Variants in RNGTT observed in about 807,000 individuals in gnomAD.
RNGTT encodes mRNA-capping enzyme.
RNGTT carries 33 observed loss-of-function variants against 79.3 expected under a neutral mutation model. The ratio of observed to expected loss-of-function variants is 0.42; its 90% CI spans 0.32 to 0.56. RNGTT has a LOEUF of 0.56. Among genes scored for constraint, RNGTT ranks in the 20% least tolerant of loss-of-function variants. RNGTT has a pLI of 0.17. For missense variants in RNGTT, 497 were observed against 739.1 expected, an observed-to-expected ratio of 0.67 and a Z score of 3.80; for synonymous variants, 222 against 235.9, an observed-to-expected ratio of 0.94 and a Z score of 0.54.
At chr6:88,748,458 C>T (rs2127829030) in intron 13 of RNGTT, among the ~76,000 whole-genome samples, 1 of 152,116 alleles carries the variant, frequency 6.6e-6, no homozygotes, top group South Asian at 2.1e-4. Context: ...CAACTATTTG[C>T]TCAAATCTTA....
Position 88,759,965 on chromosome 6 carries a change from G to A in RNGTT, c.1439+9809C>T, listed in dbSNP as rs193077296. ...TTTTTATAACATAAAAGGTAACTTAGAGAAATTGCAATTAATGAAAATATA... is the reference window on the plus strand; with the variant it reads ...TTTTTATAACATAAAAGGTAACTTAAAGAAATTGCAATTAATGAAAATATA... On this transcript the variant is annotated intron_variant, in intron 13 of 15. Transcript: ENST00000369485. 1.5e-4 allele frequency among the ~76,000 whole-genome samples: 23 copies of A among 152,180 alleles called. No individual in the cohort carries two copies. The Middle Eastern group carries it at 0.01, about 68-fold the overall frequency.
At chr6:88,789,182 G>T (rs1779322719) in intron 12 of RNGTT, among the ~76,000 whole-genome samples, 1 of 152,198 alleles carries the variant, frequency 6.6e-6, no homozygotes, top group Non-Finnish European at 1.5e-5. Flanking sequence ...CACTTTAGGA[G>T]GCTGAGGCGG....
chr6:88,739,346 T>C (rs1777391622), intron 13 of RNGTT, among the ~76,000 whole-genome samples: 1 of 152,096 alleles, frequency 6.6e-6, no homozygotes, highest in Admixed American at 6.6e-5. Flanking sequence ...GTAAGTGTTT[T>C]TTTGAGGCAA....
chr6:88,669,709 A>G (rs1415156964), intron 14 of RNGTT, among the ~76,000 whole-genome samples: 2 of 152,212 alleles, frequency 1.3e-5, no homozygotes, highest in Non-Finnish European at 2.9e-5. Flanking sequence ...AAGCTACCTG[A>G]TCAATGGGCA....
At chr6:88,746,028 G>A (rs1253520231) in intron 13 of RNGTT, among the ~76,000 whole-genome samples, 1 of 152,108 alleles carries the variant, frequency 6.6e-6, no homozygotes, top group African/African-American at 2.4e-5. Flanking sequence ...CACTACAAGG[G>A]CATAGCCTGG....
intron 14 of RNGTT, among the ~76,000 whole-genome samples, chr6:88,628,349 C>T (rs1582250996): frequency 6.6e-6 from 1 of 152,152 alleles, no homozygotes; most frequent in Non-Finnish European, 1.5e-5. Context: ...GCTGAAACTC[C>T]AAGCAGGAAA....
chr6:88,909,227 C>A (rs1229936965), intron 4 of RNGTT, among the ~76,000 whole-genome samples: 1 of 152,308 alleles, frequency 6.6e-6, no homozygotes, highest in East Asian at 1.9e-4. Context: ...GCTTTTGAGA[C>A]AAGCCTGGCC....
chr6:88,899,379 C>A (rs550415382), intron 6 of RNGTT, among the ~76,000 whole-genome samples: 1 of 152,046 alleles, frequency 6.6e-6, no homozygotes, highest in South Asian at 2.1e-4. Flanking sequence ...CAGGCTCAAG[C>A]AATCCACCCC....
chr6:88,756,844 G>T (rs1445964921), intron 13 of RNGTT, among the ~76,000 whole-genome samples: 1 of 152,192 alleles, frequency 6.6e-6, no homozygotes, highest in African/African-American at 2.4e-5. Context: ...CAACGTCGGG[G>T]AAACTGTCCA....
intron 4 of RNGTT, among the ~76,000 whole-genome samples, chr6:88,907,665 C>T (rs1040490350): frequency 3.3e-5 from 5 of 151,346 alleles, no homozygotes; most frequent in African/African-American, 1.2e-4. Flanking sequence ...GACTCTCCTA[C>T]AGTCTTCAAA....
At chr6:88,705,892 T>C (rs575677144) in intron 13 of RNGTT, among the ~76,000 whole-genome samples, 2 of 152,196 alleles carry the variant, frequency 1.3e-5, no homozygotes, top group Admixed American at 6.5e-5. Flanking sequence ...ATGGGGTTGA[T>C]ATGTAAAAGA....
intron 1 of RNGTT, among the ~76,000 whole-genome samples, chr6:88,957,273 G>A (rs964493523): frequency 6.6e-6 from 1 of 152,118 alleles, no homozygotes; most frequent in African/African-American, 2.4e-5. Flanking sequence ...ATACTGAATG[G>A]GGAAAGGTTG....
At chr6:88,874,475 T>C (rs955558899) in intron 8 of RNGTT, among the ~76,000 whole-genome samples, 3 of 152,180 alleles carry the variant, frequency 2.0e-5, no homozygotes, top group African/African-American at 7.2e-5. Context: ...TTTTCTTTTG[T>C]ATAAAGCATG....
Position 88,904,765 on chromosome 6 carries a change from G to A in RNGTT, c.634C>T (p.Pro212Ser), listed in dbSNP as rs146147610. ...TTGCCAAAAGAAGCACTTGACCCGG[G>A]TTCTGATTCCTTCTTTCCATCCTCA... Reference protein sequence around the residue: ...EDEDGKKESEPGSSASFGKRR... With the variant: ...EDEDGKKESESGSSASFGKRR... Residue 212 changes from proline (P) to serine (S), a missense_variant, in exon 6 of 16, where the codon CCC (proline) becomes TCC (serine). Pro to Ser is a moderately conservative substitution (Grantham distance 74). This residue lies in a region of RNGTT where 440 missense variants were observed against 671.5 expected (regional missense o/e 0.66). Transcript: ENST00000369485. 3 of 1,613,758 alleles carry A rather than the reference G, an allele frequency of 1.9e-6. No homozygotes were observed. Among genetic ancestry groups the A allele is most frequent in the Non-Finnish European group, 2.5e-6 (3 of 1,179,984 alleles).
intron 14 of RNGTT, among the ~76,000 whole-genome samples, chr6:88,652,729 G>A (rs1363498939): frequency 6.6e-6 from 1 of 152,166 alleles, no homozygotes; most frequent in South Asian, 2.1e-4. Flanking sequence ...CAATGTGCAT[G>A]TTGTAAGAAG....
chr6:88,937,345 CAA>C (rs1369174359), intron 2 of RNGTT, among the ~76,000 whole-genome samples: 1 of 141,758 alleles, frequency 7.1e-6, no homozygotes, highest in Admixed American at 7.0e-5. Context: ...AACTCCATCT[CAA>C]AAAAAAAAAA....
intron 14 of RNGTT, among the ~76,000 whole-genome samples, chr6:88,627,312 T>C (rs1309829935): frequency 6.6e-6 from 1 of 152,156 alleles, no homozygotes; most frequent in Non-Finnish European, 1.5e-5. Context: ...CTAATAATAT[T>C]TGAACTAGGC....
At chr6:88,818,221 T>C (rs1269274123) in intron 11 of RNGTT, among the ~76,000 whole-genome samples, 3 of 152,168 alleles carry the variant, frequency 2.0e-5, no homozygotes, top group Non-Finnish European at 2.9e-5. Flanking sequence ...AAATATACTA[T>C]CATTTTTTGA....
At position 88,743,957 on chromosome 6, in the gene RNGTT, T is replaced by C. The variant is rs190368169; in HGVS notation, c.1439+25817A>G. Among the ~76,000 whole-genome samples the C allele has an allele frequency of 6.6e-4, 100 of 152,308 alleles. 1 individual carries two copies. The highest frequency in any genetic ancestry group is 7.4e-5 in the Non-Finnish European group (5 of 68,012). ...TACTTTATAGGTTTAGTATGATGAA[T>C]TGAAATGATAAATAAAAATGGCTTA... On this transcript the variant is annotated intron_variant, in intron 13 of 15. Coordinates refer to ENST00000369485, the MANE Select transcript of RNGTT (RefSeq NM_003800.5).
Sources: gnomAD v4.1 joint callset for allele counts (sites outside exome capture counted in the v4.1 genomes callset) on GRCh38, gnomAD v4.1.1 for gene constraint, gnomAD v4.1.1 regional missense constraint, MANE v1.5 for transcripts, NCBI Gene and HGNC (gene_info 2026-07-23, HGNC 2026-07-21) for gene names.